SPAG16: variants seen among roughly 807,000 people sequenced by gnomAD.
The protein encoded by SPAG16 is sperm-associated antigen 16 protein.
In SPAG16, 86 loss-of-function variants were observed where a neutral mutation model predicts 80.4. The observed-to-expected ratio is 1.07, with a 90% CI of 0.90 to 1.28. The LOEUF is 1.28. SPAG16 is among the 50% of genes most tolerant of loss of function. SPAG16 has a pLI of 0.00. For synonymous variants in SPAG16, 294 were observed against 265.9 expected, an observed-to-expected ratio of 1.11 and a Z score of -1.03; for missense variants, 870 against 765.3, an observed-to-expected ratio of 1.14 and a Z score of -1.61.
intron 9 of SPAG16, among the ~76,000 whole-genome samples, chr2:213,469,740 C>T (rs1292770175): frequency 1.3e-5 from 2 of 152,014 alleles, no homozygotes; most frequent in African/African-American, 2.4e-5. Flanking sequence ...CTCCTATATT[C>T]CACGTATACT....
intron 10 of SPAG16, among the ~76,000 whole-genome samples, chr2:213,844,410 G>A (rs2074511158): frequency 6.6e-6 from 1 of 152,162 alleles, no homozygotes; most frequent in Admixed American, 6.5e-5. Context: ...CGGTTATCTA[G>A]CAGACTGAAG....
intron 10 of SPAG16, among the ~76,000 whole-genome samples, chr2:213,582,939 A>G (rs1317307159): frequency 6.6e-6 from 1 of 152,200 alleles, no homozygotes; most frequent in East Asian, 1.9e-4. Context: ...AGGTGATAAT[A>G]CAACCATAAC....
chr2:213,892,475 G>T (rs1339108171), intron 11 of SPAG16, among the ~76,000 whole-genome samples: 1 of 152,126 alleles, frequency 6.6e-6, no homozygotes, highest in Non-Finnish European at 1.5e-5. Flanking sequence ...GAATTAATAA[G>T]TGACTCCAAT....
At chr2:213,919,043 A>G (rs2078093958) in intron 11 of SPAG16, among the ~76,000 whole-genome samples, 1 of 152,018 alleles carries the variant, frequency 6.6e-6, no homozygotes, top group African/African-American at 2.4e-5. Flanking sequence ...TTTCTTCTTT[A>G]TCATTCTAGC....
At chr2:213,402,984 A>G (rs2068405878) in intron 9 of SPAG16, among the ~76,000 whole-genome samples, 1 of 152,054 alleles carries the variant, frequency 6.6e-6, no homozygotes, top group East Asian at 1.9e-4. Context: ...CTAGTTCTAG[A>G]TCCCTGAGGA....
chr2:213,566,403 T>C (rs1187873342), intron 10 of SPAG16, among the ~76,000 whole-genome samples: 1 of 152,194 alleles, frequency 6.6e-6, no homozygotes, highest in African/African-American at 2.4e-5. Flanking sequence ...TAAGGGTCAA[T>C]TTGTTTCTCT....
At chr2:213,978,708 G>C (rs1160038113) in intron 12 of SPAG16, among the ~76,000 whole-genome samples, 1 of 152,116 alleles carries the variant, frequency 6.6e-6, no homozygotes, top group Non-Finnish European at 1.5e-5. Flanking sequence ...AGAATCTCTT[G>C]TGATGCTATA....
chr2:213,525,278 C>T (rs112186868), intron 10 of SPAG16, among the ~76,000 whole-genome samples: 2,908 of 146,030 alleles, frequency 0.02, 42 homozygotes, highest in Middle Eastern at 0.051. Context: ...AACCTCTTTT[C>T]CTTTTCTTTT....
chr2:213,867,365 C>T (rs1350787252), intron 11 of SPAG16, among the ~76,000 whole-genome samples: 1 of 152,066 alleles, frequency 6.6e-6, no homozygotes, highest in Non-Finnish European at 1.5e-5. Context: ...TGTACATTGC[C>T]AAAAAGTGGG....
chr2:213,529,749 A>G (rs1305511034), intron 10 of SPAG16, among the ~76,000 whole-genome samples: 1 of 152,204 alleles, frequency 6.6e-6, no homozygotes, highest in Non-Finnish European at 1.5e-5. Context: ...CATGGTATAA[A>G]TGATTTTAAA....
chr2:214,377,857 C>T (rs962129440), intron 15 of SPAG16, among the ~76,000 whole-genome samples: 3 of 152,206 alleles, frequency 2.0e-5, no homozygotes, highest in African/African-American at 4.8e-5. Context: ...AAACATATCC[C>T]TATCTTAATC....
At chr2:214,189,167 CACA>C (rs1284486238) in intron 15 of SPAG16, among the ~76,000 whole-genome samples, 1 of 152,072 alleles carries the variant, frequency 6.6e-6, no homozygotes, top group Admixed American at 6.6e-5. Flanking sequence ...ATGACAGACT[CACA>C]ACATCTGATG....
chr2:214,036,202 T>C (rs1436775933), intron 13 of SPAG16, among the ~76,000 whole-genome samples: 1 of 152,250 alleles, frequency 6.6e-6, no homozygotes, highest in Non-Finnish European at 1.5e-5. Context: ...ATGTTCAAAT[T>C]GTCACATTCT....
intron 10 of SPAG16, among the ~76,000 whole-genome samples, chr2:213,767,658 C>CACAA (rs1575081790): frequency 6.6e-6 from 1 of 151,152 alleles, no homozygotes; most frequent in African/African-American, 2.4e-5. Context: ...ACATACTTCA[C>CACAA]ACACACACAC....
chr2:213,484,590 A>C (rs950264036), intron 9 of SPAG16, among the ~76,000 whole-genome samples: 2 of 152,226 alleles, frequency 1.3e-5, no homozygotes, highest in Admixed American at 1.3e-4. Context: ...CAAGGAAAGA[A>C]AAGCCATATA....
At chr2:213,467,514 T>C (rs2125639073) in intron 9 of SPAG16, among the ~76,000 whole-genome samples, 1 of 152,172 alleles carries the variant, frequency 6.6e-6, no homozygotes, top group Admixed American at 6.5e-5. Flanking sequence ...AAATATCAGG[T>C]TAAAGTTTTT....
chr2:213,549,855 G>A (rs968231935), intron 10 of SPAG16, among the ~76,000 whole-genome samples: 1 of 151,980 alleles, frequency 6.6e-6, no homozygotes, highest in Non-Finnish European at 1.5e-5. Context: ...TTTATAGTAA[G>A]GTTAAAAAAT....
intron 15 of SPAG16, among the ~76,000 whole-genome samples, chr2:214,354,314 T>G (rs1029406773): frequency 6.6e-6 from 1 of 152,260 alleles, no homozygotes; most frequent in South Asian, 2.1e-4. Context: ...GTTGTAGGTA[T>G]GCAGCATTAT....
At chr2:213,291,637 T>C (rs754776929) in intron 1 of SPAG16, among the ~76,000 whole-genome samples, 1 of 152,212 alleles carries the variant, frequency 6.6e-6, no homozygotes, top group Non-Finnish European at 1.5e-5. Flanking sequence ...AATATAACAC[T>C]TGAAAGTTTT....
Sources: gnomAD v4.1 joint callset for allele counts (sites outside exome capture counted in the v4.1 genomes callset) on GRCh38, gnomAD v4.1.1 for gene constraint, MANE v1.5 for transcripts, NCBI Gene and HGNC (gene_info 2026-07-23, HGNC 2026-07-21) for gene names.